The following ST6GALNAC3 variants were observed in gnomAD, a reference collection of about 807,000 sequenced individuals.
ST6GALNAC3 encodes the protein ST6 N-acetylgalactosaminide alpha-2,6-sialyltransferase 3.
In ST6GALNAC3, 25 loss-of-function variants were observed where a neutral mutation model predicts 32.7. That is an observed-to-expected ratio of 0.76 (90% CI 0.56 to 1.07). The LOEUF (loss-of-function observed/expected upper bound fraction) is 1.07. Ranked by LOEUF, ST6GALNAC3 falls within the 50% of genes least tolerant of loss-of-function variation. ST6GALNAC3 has a pLI of 0.00. For synonymous variants in ST6GALNAC3, 129 were observed against 133.1 expected, an observed-to-expected ratio of 0.97 and a Z score of 0.21; for missense variants, 355 against 382.4, an observed-to-expected ratio of 0.93 and a Z score of 0.60.
Position 76,631,009 on chromosome 1 carries a change from T to A in ST6GALNAC3, c.*2203T>A. On this transcript the variant is annotated 3_prime_UTR_variant, in exon 5 of 5. Transcript: ENST00000328299. ...TTCTAATAAATGAAGGGCCAACTCT[T>A]ATTTGTTCTAGCCCCTACTGATGAG... 1 of 985,682 alleles carries A rather than the reference T, an allele frequency of 1.0e-6. No homozygotes were observed. The highest frequency in any genetic ancestry group is 1.2e-6 in the Non-Finnish European group (1 of 829,856). The allele number at this position is 985,682 out of a possible 1,614,324, so 61.1% of individuals were successfully genotyped here. A position where few individuals can be genotyped will look rare whatever the true frequency, so the allele number is the denominator to read the frequency against.
At chr1:76,137,133 C>G (rs1029465782) in intron 1 of ST6GALNAC3, among the ~76,000 whole-genome samples, 1 of 152,202 alleles carries the variant, frequency 6.6e-6, no homozygotes, top group Non-Finnish European at 1.5e-5. Flanking sequence ...CTTTACTGTC[C>G]CCTGCTCTGC....
chr1:76,206,333 G>A (rs193275462), intron 1 of ST6GALNAC3, among the ~76,000 whole-genome samples: 46 of 152,328 alleles, frequency 3.0e-4, no homozygotes, highest in African/African-American at 1.1e-3. Flanking sequence ...TGCGGAAAGA[G>A]TGTGACCATT....
At chr1:76,362,313 A>T (rs1292261709) in intron 2 of ST6GALNAC3, among the ~76,000 whole-genome samples, 1 of 151,976 alleles carries the variant, frequency 6.6e-6, no homozygotes, top group Non-Finnish European at 1.5e-5. Flanking sequence ...TGGTGCAATT[A>T]CCTCCCACCA....
intron 3 of ST6GALNAC3, among the ~76,000 whole-genome samples, chr1:76,449,955 T>A (rs1657272081): frequency 6.6e-6 from 1 of 152,184 alleles, no homozygotes; most frequent in African/African-American, 2.4e-5. Flanking sequence ...TAGTCTTTTA[T>A]CTCTCACCTC....
chr1:76,305,565 T>C (rs1044916511), intron 1 of ST6GALNAC3, among the ~76,000 whole-genome samples: 3 of 151,998 alleles, frequency 2.0e-5, no homozygotes, highest in African/African-American at 4.8e-5. Context: ...GTTTGGGAAG[T>C]GGTAAAGACT....
chr1:76,625,434 G>T (rs1258893398), intron 3 of ST6GALNAC3, among the ~76,000 whole-genome samples: 1 of 151,346 alleles, frequency 6.6e-6, no homozygotes, highest in African/African-American at 2.4e-5. Context: ...ATGAAGAATA[G>T]ACAAGATAGG....
intron 1 of ST6GALNAC3, among the ~76,000 whole-genome samples, chr1:76,104,332 C>T (rs1647373936): frequency 6.6e-6 from 1 of 152,178 alleles, no homozygotes. Flanking sequence ...CTGGAAGCAT[C>T]TGATTTTAGT....
At chr1:76,339,154 C>T (rs1257405392) in intron 2 of ST6GALNAC3, among the ~76,000 whole-genome samples, 1 of 152,168 alleles carries the variant, frequency 6.6e-6, no homozygotes, top group Non-Finnish European at 1.5e-5. Flanking sequence ...CTCAAAGTTG[C>T]TCACATCCTA....
chr1:76,588,239 A>G (rs1221896909), intron 3 of ST6GALNAC3, among the ~76,000 whole-genome samples: 3 of 152,030 alleles, frequency 2.0e-5, no homozygotes, highest in Admixed American at 1.3e-4. Context: ...ATATCACTTA[A>G]AAAAAATAAA....
chr1:76,558,790 A>G (rs1419102139), intron 3 of ST6GALNAC3, among the ~76,000 whole-genome samples: 1 of 152,206 alleles, frequency 6.6e-6, no homozygotes, highest in African/African-American at 2.4e-5. Context: ...TGTTATAGAT[A>G]CATTTATCTA....
At chr1:76,323,868 T>C (rs570676940) in intron 2 of ST6GALNAC3, among the ~76,000 whole-genome samples, 100 of 152,258 alleles carry the variant, frequency 6.6e-4, no homozygotes, top group African/African-American at 2.3e-3. Flanking sequence ...TACTAGAATT[T>C]TTTTTTTTTG....
chr1:76,294,361 TA>T lies in ST6GALNAC3; in HGVS notation c.19-19434del, dbSNP rs141480427. Among the ~76,000 whole-genome samples, 100 of 148,328 alleles carry T rather than the reference TA, an allele frequency of 6.7e-4. 1 individual carries two copies. The highest frequency in any genetic ancestry group is 3.4e-3 in the Middle Eastern group (1 of 290). ...TTTTTGGTCTGAGCATATTTTTTAT[TA>T]AAAAAAAAACCTTTGAAATATTTTG... is the stretch of plus-strand genomic sequence containing the variant. On this transcript the variant is annotated intron_variant, in intron 1 of 4. Coordinates refer to ENST00000328299, the MANE Select transcript of ST6GALNAC3 (RefSeq NM_152996.4).
chr1:76,614,902 G>A (rs1648195588), intron 3 of ST6GALNAC3, among the ~76,000 whole-genome samples: 1 of 152,018 alleles, frequency 6.6e-6, no homozygotes, highest in African/African-American at 2.4e-5. Context: ...TGACTGGGGG[G>A]TAGGGGCTAG....
chr1:76,467,625 T>A (rs1658725564), intron 3 of ST6GALNAC3, among the ~76,000 whole-genome samples: 2 of 152,004 alleles, frequency 1.3e-5, no homozygotes, highest in Admixed American at 6.6e-5. Flanking sequence ...GTATACAATA[T>A]TAAAAAGTTG....
At chr1:76,370,824 C>G (rs970182227) in intron 2 of ST6GALNAC3, among the ~76,000 whole-genome samples, 1 of 151,974 alleles carries the variant, frequency 6.6e-6, no homozygotes, top group Non-Finnish European at 1.5e-5. Flanking sequence ...ACCCATCTAC[C>G]CATCAGTCTA....
rs1217537078 is a variant in ST6GALNAC3, at chr1:76,631,323, T to G, written c.*2517T>G. The G allele has an allele frequency of 6.6e-6, 1 of 152,024 alleles. No homozygotes were observed. The highest frequency in any genetic ancestry group is 1.5e-5 in the Non-Finnish European group (1 of 68,028). The allele number at this position is 152,024 out of a possible 1,614,324, so 9.4% of individuals were successfully genotyped here. A position where few individuals can be genotyped will look rare whatever the true frequency, so the allele number is the denominator to read the frequency against. On this transcript the variant is annotated 3_prime_UTR_variant, in exon 5 of 5. Coordinates refer to ENST00000328299, the MANE Select transcript of ST6GALNAC3 (RefSeq NM_152996.4). ...GAAACAAAAAAAAAAAAAAACAAGT[T>G]TTTCTCAATTTGGAGACTCAATTGA...
intron 1 of ST6GALNAC3, among the ~76,000 whole-genome samples, chr1:76,113,173 C>CA (rs1419857959): frequency 3.3e-5 from 5 of 151,534 alleles, no homozygotes; most frequent in Admixed American, 1.3e-4. Context: ...CCGTCTCCAC[C>CA]AAAAAAAATA....
intron 1 of ST6GALNAC3, among the ~76,000 whole-genome samples, chr1:76,283,160 A>C (rs912452737): frequency 6.6e-6 from 1 of 152,160 alleles, no homozygotes; most frequent in Non-Finnish European, 1.5e-5. Context: ...GAACAATGGT[A>C]AGACCACTGA....
At chr1:76,416,303 G>T (rs1203751188) in intron 3 of ST6GALNAC3, among the ~76,000 whole-genome samples, 1 of 151,910 alleles carries the variant, frequency 6.6e-6, no homozygotes, top group Non-Finnish European at 1.5e-5. Context: ...GAGAATAAGG[G>T]GTGTCCATTT....
Sources: allele counts gnomAD v4.1 joint callset (sites outside exome capture counted in the v4.1 genomes callset), GRCh38; gene constraint gnomAD v4.1.1; transcripts MANE v1.5; gene names NCBI Gene and HGNC (gene_info 2026-07-23, HGNC 2026-07-21).